IGF2BP3: variants seen among roughly 807,000 people sequenced by gnomAD.
The protein encoded by IGF2BP3 is insulin like growth factor 2 mRNA binding protein 3.
Under a neutral mutation model 73.8 loss-of-function variants are expected in IGF2BP3, and 9 were observed. The ratio of observed to expected loss-of-function variants is 0.12; its 90% confidence interval spans 0.07 to 0.21. IGF2BP3 has a LOEUF of 0.21. Ranked by LOEUF, IGF2BP3 falls within the 10% of genes least tolerant of loss-of-function variation. The pLI, the probability that IGF2BP3 is intolerant of heterozygous loss-of-function variation, is 1.00. For synonymous variants in IGF2BP3, 258 were observed against 256.7 expected (o/e 1.01, Z -0.05); for missense variants, 542 against 714.0 (o/e 0.76, Z 2.75).
chr7:23,422,257 C>G (rs1051371563), intron 2 of IGF2BP3, among the ~76,000 whole-genome samples: 2 of 152,090 alleles, frequency 1.3e-5, no homozygotes, highest in African/African-American at 4.8e-5. Context: ...TGTGATCATA[C>G]ATATTACAAA....
chr7:23,321,438 G>A (rs446729), intron 10 of IGF2BP3, among the ~76,000 whole-genome samples: 119 of 151,322 alleles, frequency 7.9e-4, no homozygotes, highest in Middle Eastern at 6.8e-3. Flanking sequence ...ACGGAGTCTC[G>A]CTGATTGCTA....
chr7:23,336,596 C>A (rs1211911945), intron 10 of IGF2BP3, among the ~76,000 whole-genome samples: 1 of 152,068 alleles, frequency 6.6e-6, no homozygotes, highest in African/African-American at 2.4e-5. Context: ...ACCTCCACCT[C>A]CTCGGCTCAT....
At chr7:23,456,044 C>A (rs1480859528) in intron 2 of IGF2BP3, among the ~76,000 whole-genome samples, 1 of 152,156 alleles carries the variant, frequency 6.6e-6, no homozygotes, top group East Asian at 1.9e-4. Flanking sequence ...TGAGCACAGG[C>A]ACTTAATCTA....
chr7:23,439,857 A>G (rs1417840574), intron 2 of IGF2BP3, among the ~76,000 whole-genome samples: 1 of 152,136 alleles, frequency 6.6e-6, no homozygotes, highest in Admixed American at 6.6e-5. Context: ...TAGTACTCAC[A>G]CTCAACAGTA....
chr7:23,321,096 A>G (rs531812387), intron 10 of IGF2BP3, among the ~76,000 whole-genome samples: 24 of 152,342 alleles, frequency 1.6e-4, no homozygotes, highest in Admixed American at 6.5e-4. Flanking sequence ...GAACAGCTCC[A>G]GTCTACAGCT....
intron 3 of IGF2BP3, among the ~76,000 whole-genome samples, chr7:23,404,648 C>A (rs978661672): frequency 6.6e-6 from 1 of 151,946 alleles, no homozygotes; most frequent in East Asian, 1.9e-4. Context: ...TAAATTATAG[C>A]CTTTCTCATC....
intron 12 of IGF2BP3, among the ~76,000 whole-genome samples, chr7:23,314,640 G>C (rs942583039): frequency 3.3e-5 from 5 of 152,092 alleles, no homozygotes; most frequent in Non-Finnish European, 5.9e-5. Context: ...CAGAACTGCA[G>C]AGTCAGCTAT....
chr7:23,312,628 G>A, intron 14 of IGF2BP3, 107 bp downstream of exon 14: 1 of 937,478 alleles, frequency 1.1e-6, no homozygotes, highest in Non-Finnish European at 1.7e-6. Flanking sequence ...GAGATGAAAA[G>A]TCTTAAGCAT....
chr7:23,439,929 G>A (rs1174375369), intron 2 of IGF2BP3, among the ~76,000 whole-genome samples: 1 of 152,084 alleles, frequency 6.6e-6, no homozygotes, highest in African/African-American at 2.4e-5. Context: ...AATTTACAAT[G>A]GCCCTTTCCT....
chr7:23,312,416 C>T lies in IGF2BP3; in HGVS notation c.1686G>A (p.Gln562=), dbSNP rs1288049902. 6.2e-7 allele frequency: 1 copy of T among 1,613,840 alleles called. No individual in the cohort carries two copies. Among genetic ancestry groups the T allele is most frequent in the Middle Eastern group, 1.7e-4 (1 of 5,856 alleles). ...KIQEILTQVK[Q]HQQQKALQSG... ...TTTGCAGAGCCTTCTGTTGTTGGTGCTGCTTTACCTGAGTCAGAATTTCCT... is the reference window on the plus strand; with the variant it reads ...TTTGCAGAGCCTTCTGTTGTTGGTGTTGCTTTACCTGAGTCAGAATTTCCT... Residue 562 remains glutamine, a synonymous_variant, in exon 15 of 15, where the codon CAG becomes CAA. Coordinates refer to ENST00000258729, the MANE Select transcript of IGF2BP3 (RefSeq NM_006547.3).
At chr7:23,467,242 C>G (rs1026722215) in intron 2 of IGF2BP3, among the ~76,000 whole-genome samples, 1 of 149,578 alleles carries the variant, frequency 6.7e-6, no homozygotes, top group South Asian at 2.1e-4. Flanking sequence ...AATGCTTTGC[C>G]TGGGAAGAGA....
At chr7:23,348,240 C>T (rs547873086) in intron 6 of IGF2BP3, among the ~76,000 whole-genome samples, 2 of 152,176 alleles carry the variant, frequency 1.3e-5, no homozygotes, top group Non-Finnish European at 2.9e-5. Context: ...GGAAAGTCTG[C>T]AACGAACAGT....
chr7:23,358,259 G>A lies in IGF2BP3; in HGVS notation c.401+3275C>T, dbSNP rs541199685. Reference sequence around the variant, plus strand: ...CTGGAATTGAACTCTTAACCTCCAAGCTCACTCATACTTTCACAAGTACAT... The same window carrying A: ...CTGGAATTGAACTCTTAACCTCCAAACTCACTCATACTTTCACAAGTACAT... On this transcript the variant is annotated intron_variant, in intron 5 of 14. Transcript: ENST00000258729. 2.6e-5 allele frequency among the ~76,000 whole-genome samples: 4 copies of A among 152,312 alleles called. No individual in the cohort carries two copies. The South Asian group carries it at 6.2e-4, about 24-fold the overall frequency.
chr7:23,410,596 C>T (rs1196835708), intron 3 of IGF2BP3, among the ~76,000 whole-genome samples: 1 of 152,124 alleles, frequency 6.6e-6, no homozygotes, highest in Non-Finnish European at 1.5e-5. Flanking sequence ...AAAGTCTGGC[C>T]CATCCCAGAG....
At chr7:23,338,577 C>T (rs1443797690) in intron 10 of IGF2BP3, among the ~76,000 whole-genome samples, 1 of 152,170 alleles carries the variant, frequency 6.6e-6, no homozygotes, top group Non-Finnish European at 1.5e-5. Context: ...CTTCCACCTG[C>T]TCCCACTGAG....
intron 2 of IGF2BP3, among the ~76,000 whole-genome samples, chr7:23,442,925 C>T (rs1401808241): frequency 6.6e-6 from 1 of 151,908 alleles, no homozygotes; most frequent in Non-Finnish European, 1.5e-5. Context: ...AACCAGGTAA[C>T]TAGAATTTTA....
intron 10 of IGF2BP3, among the ~76,000 whole-genome samples, chr7:23,338,114 G>A (rs192264533): frequency 5.4e-4 from 82 of 152,150 alleles, no homozygotes; most frequent in Middle Eastern, 3.4e-3. Context: ...CAGACATAAC[G>A]GCAACATCCC....
At chr7:23,363,214 A>G (rs773125276) in intron 3 of IGF2BP3, among the ~76,000 whole-genome samples, 2 of 152,166 alleles carry the variant, frequency 1.3e-5, no homozygotes, top group Non-Finnish European at 2.9e-5. Flanking sequence ...TACTGTTTCC[A>G]GTTTGAAACA....
chr7:23,373,453 A>G (rs375810715), intron 3 of IGF2BP3, among the ~76,000 whole-genome samples: 2 of 152,030 alleles, frequency 1.3e-5, no homozygotes, highest in East Asian at 1.9e-4. Context: ...CAAAACCACA[A>G]GGAGATACCA....
Sources: allele counts gnomAD v4.1 joint callset (sites outside exome capture counted in the v4.1 genomes callset), GRCh38; gene constraint gnomAD v4.1.1; transcripts MANE v1.5; gene names NCBI Gene and HGNC (gene_info 2026-07-23, HGNC 2026-07-21).